The following PZP variants were observed in gnomAD, a reference collection of about 807,000 sequenced individuals.
PZP encodes the protein PZP alpha-2-macroglobulin like, also known as pregnancy zone protein.
In PZP, 150 loss-of-function variants were observed where a neutral mutation model predicts 179.8. That is an observed-to-expected ratio of 0.83 (90% CI 0.73 to 0.96). The LOEUF (loss-of-function observed/expected upper bound fraction) is 0.96, where lower values mean the gene tolerates loss of function less well. Among genes scored for constraint, PZP ranks in the 40% least tolerant of loss-of-function variants. The probability of loss-of-function intolerance (pLI) is 0.00; values close to 1 mark genes in which losing one functional copy is unlikely to be tolerated. For missense variants in PZP, 1,689 were observed against 1,764.0 expected (o/e 0.96, Z 0.76); for synonymous variants, 624 against 652.3 (o/e 0.96, Z 0.66).
At position 9,168,965 on chromosome 12, in the gene PZP, A is replaced by T; in HGVS notation, c.2011T>A (p.Leu671Met). 6.2e-7 allele frequency: 1 copy of T among 1,612,506 alleles called. No individual in the cohort carries two copies. The highest frequency in any genetic ancestry group is 1.3e-5 in the African/African-American group (1 of 75,008). The change falls in exon 17 of 36, where the codon TTG becomes ATG. Residue 671 changes from leucine (L) to methionine (M), a missense_variant. By Grantham distance (15) the Leu-to-Met change is conservative. Around this residue, in one of 3 missense-constraint regions of PZP, gnomAD observed 201 missense variants for 284.2 expected, o/e 0.71. Coordinates refer to ENST00000261336, the MANE Select transcript of PZP (RefSeq NM_002864.3). Reference protein sequence around the residue: ...DIYSFLKGMGLKVFTNSKIRK... With the variant: ...DIYSFLKGMGMKVFTNSKIRK... ...ATTTTTGAGTTAGTGAACACCTTCAATCCCATCCCCTGGAAAAAAATAATT... is the reference window on the plus strand; with the variant it reads ...ATTTTTGAGTTAGTGAACACCTTCATTCCCATCCCCTGGAAAAAAATAATT...
chr12:9,172,008 C>T (rs941988350), intron 15 of PZP, among the ~76,000 whole-genome samples: 2 of 152,064 alleles, frequency 1.3e-5, no homozygotes, highest in Non-Finnish European at 2.9e-5. Context: ...TAAGATACTC[C>T]ACAAGAACAT....
chr12:9,192,463 T>G, intron 12 of PZP, 49 bp downstream of exon 12: 1 of 1,545,128 alleles, frequency 6.5e-7, no homozygotes, highest in Non-Finnish European at 8.9e-7. Context: ...TATTGACCAC[T>G]TTTGTCCTAC....
chr12:9,189,270 A>G (rs1033579331), intron 13 of PZP, among the ~76,000 whole-genome samples: 3 of 152,248 alleles, frequency 2.0e-5, no homozygotes, highest in Admixed American at 2.0e-4. Context: ...TACAGTTACC[A>G]AAACAGCATA....
chr12:9,153,355 G>T lies in PZP; in HGVS notation c.3775-12C>A. 1.9e-6 allele frequency: 3 copies of T among 1,603,964 alleles called. No homozygotes were observed. Among genetic ancestry groups the T allele is most frequent in the Non-Finnish European group, 2.6e-6 (3 of 1,171,874 alleles). On this transcript the variant is annotated splice_polypyrimidine_tract_variant and intron_variant, in intron 29 of 35. Transcript: ENST00000261336. ...GCCACCACTGTGTCCTGGAAGAGAC[G>T]AGTGGACAACCGCCCCAAAGAGTAA...
In PZP at chr12:9,202,823, G is replaced by A. The variant is rs1264157352; in HGVS notation, c.268-139C>T. The A allele has an allele frequency of 7.5e-6, 6 of 801,590 alleles. No individual in the cohort carries two copies. In the East Asian group the frequency reaches 1.1e-4, roughly 14 times the overall value. 49.7% of individuals were successfully genotyped at this position (801,590 alleles called of 1,614,324 possible). ...TGTGACTATTTCTTCAGACATAAGA[G>A]TGACGATATTAATGTGAGATGGAGG... is the stretch of plus-strand genomic sequence containing the variant. On this transcript the variant is annotated intron_variant, in intron 2 of 35. Transcript: ENST00000261336.
At chr12:9,145,328 T>C (rs1307801816), downstream of PZP, among the ~76,000 whole-genome samples, 2 of 152,206 alleles carry the variant, frequency 1.3e-5, no homozygotes, top group Non-Finnish European at 2.9e-5. Flanking sequence ...TCTCTGTCTT[T>C]TGTGTAACTT....
At chr12:9,161,800 A>T (rs149424134) in intron 22 of PZP, among the ~76,000 whole-genome samples, 1 of 152,210 alleles carries the variant, frequency 6.6e-6, no homozygotes, top group Non-Finnish European at 1.5e-5. Context: ...CTTCTTAATG[A>T]TATGATGAAC....
intron 13 of PZP, among the ~76,000 whole-genome samples, chr12:9,186,972 C>T (rs917955451): frequency 8.7e-5 from 13 of 150,184 alleles, no homozygotes; most frequent in African/African-American, 2.9e-4. Context: ...CACGTTCTGC[C>T]CATGTATCCC....
chr12:9,149,650 A>G, intron 34 of PZP, 48 bp from the exon 35 acceptor site: 2 of 1,583,646 alleles, frequency 1.3e-6, no homozygotes, highest in Non-Finnish European at 1.7e-6. Context: ...TCTATGAACT[A>G]GGGACCATGC....
At chr12:9,200,314 TC>T in intron 7 of PZP, 49 bp downstream of exon 7, 1 of 1,384,822 alleles carries the variant, frequency 7.2e-7, no homozygotes, top group South Asian at 1.2e-5. Flanking sequence ...ACATAATCCC[TC>T]AAAATTGAGG....
intron 6 of PZP, 23 bp from the exon 7 acceptor site, chr12:9,200,471 T>C: frequency 6.5e-7 from 1 of 1,531,402 alleles, no homozygotes; most frequent in Non-Finnish European, 9.0e-7. Flanking sequence ...ATAATAGGAA[T>C]AAGGAAGGTT....
chr12:9,184,575 G>A (rs922424588), intron 13 of PZP, among the ~76,000 whole-genome samples: 2 of 152,214 alleles, frequency 1.3e-5, no homozygotes, highest in Admixed American at 1.3e-4. Flanking sequence ...ACCCCACCAC[G>A]CTGCCACTGC....
At chr12:9,145,142 C>T (rs1418528021), downstream of PZP, among the ~76,000 whole-genome samples, 1 of 152,082 alleles carries the variant, frequency 6.6e-6, no homozygotes, top group African/African-American at 2.4e-5. Flanking sequence ...TATGTGTTTT[C>T]ATTGGGAGGT....
chr12:9,189,876 C>T (rs1170029303), intron 13 of PZP, among the ~76,000 whole-genome samples: 1 of 152,070 alleles, frequency 6.6e-6, no homozygotes, highest in Admixed American at 6.6e-5. Flanking sequence ...ATGTGGCCAA[C>T]AAGCCAATGA....
chr12:9,154,877 AATAAGT>A, intron 28 of PZP, 38 bp from the exon 29 acceptor site: 1 of 1,551,632 alleles, frequency 6.4e-7, no homozygotes, highest in Non-Finnish European at 8.8e-7. Flanking sequence ...GTAACTCATC[AATAAGT>A]AATTATAACT....
chr12:9,197,124 C>G lies in PZP; in HGVS notation c.756-1G>C. On this transcript the variant is annotated splice_acceptor_variant, in intron 7 of 35. Transcript: ENST00000261336. LOFTEE classifies it high-confidence loss of function. ...TGGGACAGGCTTCCCATAAGTGTATCTGGTACATGAGAAATAAATCAGGAA... is the reference window on the plus strand; with the variant it reads ...TGGGACAGGCTTCCCATAAGTGTATGTGGTACATGAGAAATAAATCAGGAA... The G allele has an allele frequency of 6.3e-7, 1 of 1,587,816 alleles. No individual in the cohort carries two copies. The highest frequency in any genetic ancestry group is 8.6e-7 in the Non-Finnish European group (1 of 1,157,148).
At chr12:9,182,427 T>TAC (rs397714836) in intron 13 of PZP, among the ~76,000 whole-genome samples, 2 of 151,912 alleles carry the variant, frequency 1.3e-5, no homozygotes, top group Non-Finnish European at 2.9e-5. Flanking sequence ...TGCATATATA[T>TAC]GTGACAACTA....
Position 9,169,452 on chromosome 12 carries a change from G to A in PZP, c.1979C>T (p.Ala660Val), listed in dbSNP as rs1206131467. Residue 660 changes from alanine to valine, a missense_variant, in exon 16 of 36, where the codon GCA becomes GTA. By Grantham distance (64) the Ala-to-Val change is moderately conservative. Transcript: ENST00000261336. ...AIYVPLSSNEADIYSFLKGMG... is the reference protein window; with the variant it reads ...AIYVPLSSNEVDIYSFLKGMG... Reference sequence around the variant, plus strand: ...TACCTTGAGGAAGCTATAAATATCTGCTTCATTACTTGATAAGGGAACATA... The same window carrying A: ...TACCTTGAGGAAGCTATAAATATCTACTTCATTACTTGATAAGGGAACATA... 1 of 1,607,156 alleles carries A rather than the reference G, an allele frequency of 6.2e-7. No individual in the cohort carries two copies. Among genetic ancestry groups the A allele is most frequent in the Admixed American group, 1.7e-5 (1 of 58,720 alleles).
chr12:9,202,890 C>T (rs760198147), intron 2 of PZP, among the ~76,000 whole-genome samples: 1 of 152,106 alleles, frequency 6.6e-6, no homozygotes, highest in Non-Finnish European at 1.5e-5. Context: ...ACCCAGATCT[C>T]CATGGAGTTC....
Sources: allele counts gnomAD v4.1 joint callset (sites outside exome capture counted in the v4.1 genomes callset), GRCh38; gene constraint gnomAD v4.1.1; regional missense constraint gnomAD v4.1.1; transcripts MANE v1.5; gene names NCBI Gene and HGNC (gene_info 2026-07-23, HGNC 2026-07-21).